The following ERP27 variants were observed in gnomAD, a reference collection of about 807,000 sequenced individuals.
ERP27 encodes endoplasmic reticulum resident protein 27.
A neutral mutation model predicts 27.7 loss-of-function variants in ERP27; 23 were observed. The observed-to-expected ratio is 0.83, with a 90% CI of 0.60 to 1.18. ERP27 has a LOEUF of 1.18. Ranked by LOEUF, ERP27 falls within the 50% of genes most tolerant of loss-of-function variation. The probability of loss-of-function intolerance (pLI) is 0.00; values close to 1 mark genes in which losing one functional copy is unlikely to be tolerated. For missense variants in ERP27, 363 were observed against 327.9 expected, an observed-to-expected ratio of 1.11 and a Z score of -0.83; for synonymous variants, 159 against 118.3, an observed-to-expected ratio of 1.34 and a Z score of -2.23.
intron 3 of ERP27, among the ~76,000 whole-genome samples, chr12:14,923,598 CA>C (rs1470401637): frequency 6.6e-6 from 1 of 151,566 alleles, no homozygotes; most frequent in Non-Finnish European, 1.5e-5. Flanking sequence ...AAAACAGAAC[CA>C]ACTATATTGC....
At chr12:14,925,643 G>T (rs950015264) in intron 3 of ERP27, among the ~76,000 whole-genome samples, 2 of 151,728 alleles carry the variant, frequency 1.3e-5, no homozygotes, top group Non-Finnish European at 2.9e-5. Context: ...TGTATTATTT[G>T]TGTCTTTAAA....
chr12:14,936,250 G>T (rs898849594), intron 2 of ERP27, among the ~76,000 whole-genome samples: 1 of 152,164 alleles, frequency 6.6e-6, no homozygotes, highest in Non-Finnish European at 1.5e-5. Flanking sequence ...TTTAACAAAA[G>T]TTTATGCAGG....
chr12:14,922,814 G>A (rs868361434), intron 3 of ERP27, among the ~76,000 whole-genome samples: 1 of 152,094 alleles, frequency 6.6e-6, no homozygotes, highest in South Asian at 2.1e-4. Context: ...GGTGGCTCAC[G>A]CCTGTAATCC....
At chr12:14,917,892 T>A (rs1361716657) in intron 4 of ERP27, among the ~76,000 whole-genome samples, 1 of 152,206 alleles carries the variant, frequency 6.6e-6, no homozygotes, top group Non-Finnish European at 1.5e-5. Context: ...TTATCAATGT[T>A]TTTTATTTGA....
intron 3 of ERP27, among the ~76,000 whole-genome samples, chr12:14,931,125 G>A (rs2120610132): frequency 6.6e-6 from 1 of 152,266 alleles, no homozygotes; most frequent in South Asian, 2.1e-4. Flanking sequence ...ACAGTTGTGA[G>A]ATTTTGGGCA....
chr12:14,935,385 A>G (rs1156279840), intron 2 of ERP27, among the ~76,000 whole-genome samples: 1 of 152,246 alleles, frequency 6.6e-6, no homozygotes, highest in Non-Finnish European at 1.5e-5. Flanking sequence ...ACAAACTAAC[A>G]TAACCAACTC....
At chr12:14,920,308 A>C (rs1863481618) in intron 4 of ERP27, among the ~76,000 whole-genome samples, 1 of 152,208 alleles carries the variant, frequency 6.6e-6, no homozygotes, top group African/African-American at 2.4e-5. Flanking sequence ...GGGTGTAGGC[A>C]CTTGCTAGTC....
At chr12:14,933,043 G>A (rs1054222720) in intron 3 of ERP27, among the ~76,000 whole-genome samples, 1 of 152,200 alleles carries the variant, frequency 6.6e-6, no homozygotes, top group African/African-American at 2.4e-5. Context: ...AGTGGAATAT[G>A]CAAAAGAATT....
chr12:14,914,502 T>C lies in ERP27; in HGVS notation c.*233A>G, dbSNP rs895623713. The C allele has an allele frequency of 9.7e-6, 5 of 516,604 alleles. No homozygotes were observed. Among genetic ancestry groups the C allele is most frequent in the Non-Finnish European group, 1.7e-5 (5 of 293,614 alleles). The allele number at this position is 516,604 out of a possible 1,614,324, so 32.0% of individuals were successfully genotyped here. A position where few individuals can be genotyped will look rare whatever the true frequency, so the allele number is the denominator to read the frequency against. ...GGAAATTGGATAGGGAGTGAGGATA[T>C]GAAATTTAAAAGAAGGAAGAAGAGA... On this transcript the variant is annotated 3_prime_UTR_variant, in exon 7 of 7. Transcript: ENST00000266397.
chr12:14,925,795 C>A (rs137992396), intron 3 of ERP27, among the ~76,000 whole-genome samples: 3 of 152,002 alleles, frequency 2.0e-5, no homozygotes, highest in African/African-American at 7.2e-5. Context: ...TGGGGCCTGG[C>A]GCAGTGGCTC....
intron 3 of ERP27, among the ~76,000 whole-genome samples, chr12:14,933,592 C>A (rs765994829): frequency 6.6e-6 from 1 of 152,132 alleles, no homozygotes; most frequent in Non-Finnish European, 1.5e-5. Context: ...AGGATGGAAA[C>A]TAGAAGGGGC....
At chr12:14,937,846 C>A (rs1863794241) in intron 2 of ERP27, 106 bp downstream of exon 2, 2 of 849,368 alleles carry the variant, frequency 2.4e-6, no homozygotes, top group Admixed American at 2.2e-5. Flanking sequence ...TCTCCCTTTA[C>A]CCCCACTTCT....
At chr12:14,927,499 GTGT>G (rs34068450) in intron 3 of ERP27, among the ~76,000 whole-genome samples, 91,629 of 151,392 alleles carry the variant, frequency 0.61, 28,104 homozygotes, top group East Asian at 0.86. Context: ...GATGTGAAAG[GTGT>G]TGTACTAGAT....
intron 4 of ERP27, among the ~76,000 whole-genome samples, chr12:14,920,563 G>A (rs540902450): frequency 1.3e-5 from 2 of 152,132 alleles, no homozygotes; most frequent in African/African-American, 4.8e-5. Context: ...GTAGAGACAA[G>A]GTCTCGCTAT....
chr12:14,920,777 T>C (rs1371537431), intron 4 of ERP27, among the ~76,000 whole-genome samples, 155 bp downstream of exon 4: 1 of 152,182 alleles, frequency 6.6e-6, no homozygotes, highest in Non-Finnish European at 1.5e-5. Context: ...ACAAGTTAAA[T>C]CTTAAAAAGG....
Position 14,915,577 on chromosome 12 carries a change from T to C in ERP27, c.686A>G (p.Asp229Gly), listed in dbSNP as rs749178883. 83 of 1,614,116 alleles carry C rather than the reference T, an allele frequency of 5.1e-5. No homozygotes were observed. The highest frequency in any genetic ancestry group is 1.6e-4 in the Middle Eastern group (1 of 6,084). Residue 229 changes from aspartate to glycine, a missense_variant, in exon 6 of 7, where the codon GAT becomes GGT. Asp to Gly is a moderately conservative substitution (Grantham distance 94). Coordinates refer to ENST00000266397, the MANE Select transcript of ERP27 (RefSeq NM_152321.4). Reference sequence around the variant, plus strand: ...TGTGGGCAGTGTATCCCACTCGTCATCTAGAGTCTGGTAAATTGCCAAAGC... The same window carrying C: ...TGTGGGCAGTGTATCCCACTCGTCACCTAGAGTCTGGTAAATTGCCAAAGC... Reference protein sequence around the residue: ...LPALAIYQTLDDEWDTLPTAE... With the variant: ...LPALAIYQTLGDEWDTLPTAE...
intron 3 of ERP27, among the ~76,000 whole-genome samples, chr12:14,932,878 T>C (rs1378442422): frequency 1.3e-5 from 2 of 152,200 alleles, no homozygotes; most frequent in Non-Finnish European, 2.9e-5. Flanking sequence ...GTATCTTAGA[T>C]GGAGGAATAT....
chr12:14,935,193 G>T, intron 2 of ERP27, 200 bp from the exon 3 acceptor site: 1 of 979,290 alleles, frequency 1.0e-6, no homozygotes, highest in African/African-American at 1.7e-5. Context: ...AAGTTAATAG[G>T]TAACCACGAA....
At chr12:14,918,827 T>C (rs968742586) in intron 4 of ERP27, among the ~76,000 whole-genome samples, 6 of 152,212 alleles carry the variant, frequency 3.9e-5, no homozygotes, top group African/African-American at 1.4e-4. Context: ...TTTTAGATTT[T>C]TCATTTGGGA....
Sources: allele counts gnomAD v4.1 joint callset (sites outside exome capture counted in the v4.1 genomes callset), GRCh38; gene constraint gnomAD v4.1.1; transcripts MANE v1.5; gene names NCBI Gene and HGNC (gene_info 2026-07-23, HGNC 2026-07-21).